The following TBC1D9 variants were observed in gnomAD, a reference collection of about 807,000 sequenced individuals.
TBC1D9 encodes the protein TBC1 domain family member 9A.
A neutral mutation model predicts 132.0 loss-of-function variants in TBC1D9; 63 were observed. The observed-to-expected ratio is 0.48, with a 90% CI of 0.39 to 0.59. The LOEUF (loss-of-function observed/expected upper bound fraction) is 0.59, where lower values mean the gene tolerates loss of function less well. Among genes scored for constraint, TBC1D9 ranks in the 20% least tolerant of loss-of-function variants. The pLI, the probability that TBC1D9 is intolerant of heterozygous loss-of-function variation, is 0.00. For missense variants in TBC1D9, 1,261 were observed against 1,592.7 expected, an observed-to-expected ratio of 0.79 and a Z score of 3.54; for synonymous variants, 610 against 609.9, an observed-to-expected ratio of 1.00 and a Z score of 0.00.
chr4:140,651,123 G>T (rs1737181735), intron 13 of TBC1D9, among the ~76,000 whole-genome samples: 2 of 152,130 alleles, frequency 1.3e-5, no homozygotes, highest in African/African-American at 4.8e-5. Context: ...TCCCAGCATT[G>T]TTGATAAAAG....
chr4:140,694,404 C>T (rs532682647), intron 2 of TBC1D9, among the ~76,000 whole-genome samples: 1 of 152,088 alleles, frequency 6.6e-6, no homozygotes, highest in Admixed American at 6.6e-5. Flanking sequence ...AACCTCATCT[C>T]TACTAAAAAT....
chr4:140,755,465 C>T (rs1413437972), intron 1 of TBC1D9, among the ~76,000 whole-genome samples: 1 of 152,148 alleles, frequency 6.6e-6, no homozygotes, highest in Non-Finnish European at 1.5e-5. Flanking sequence ...CAGTTCCTTA[C>T]TTATCGCTTC....
intron 1 of TBC1D9, among the ~76,000 whole-genome samples, chr4:140,750,026 A>C (rs1315720704): frequency 6.6e-6 from 1 of 152,144 alleles, no homozygotes; most frequent in East Asian, 1.9e-4. Flanking sequence ...TAGTACATTG[A>C]TAAAAATGGA....
rs1442359613 is a variant in TBC1D9, at chr4:140,624,155, A to G, written c.3039T>C (p.Ser1013=). 6.2e-7 allele frequency: 1 copy of G among 1,611,558 alleles called. No homozygotes were observed. Among genetic ancestry groups the G allele is most frequent in the Non-Finnish European group, 8.5e-7 (1 of 1,178,564 alleles). The change falls in exon 20 of 21, where the codon TCT becomes TCC. Residue 1013 remains serine (S), a synonymous_variant. Transcript: ENST00000442267. ...YLRLWTPENK[S]KSKNAKDLPK... ...GTAAATCCTTTGCATTCTTTGACTTAGATTTATTTTCTGGAGTCCACAGTC... is the reference window on the plus strand; with the variant it reads ...GTAAATCCTTTGCATTCTTTGACTTGGATTTATTTTCTGGAGTCCACAGTC...
chr4:140,660,995 A>C (rs1392030110), intron 10 of TBC1D9, among the ~76,000 whole-genome samples: 1 of 151,818 alleles, frequency 6.6e-6, no homozygotes, highest in Non-Finnish European at 1.5e-5. Flanking sequence ...GCTCATTGCA[A>C]GCTCCACCTC....
In TBC1D9 at chr4:140,712,252, T is replaced by C. The variant is rs1052701601; in HGVS notation, c.131-10638A>G. 137 of 148,666 alleles carry C rather than the reference T, an allele frequency of 9.2e-4. 1 individual carries two copies. Among genetic ancestry groups the C allele is most frequent in the African/African-American group, 3.2e-3 (131 of 40,512 alleles). 9.2% of individuals were successfully genotyped at this position (148,666 alleles called of 1,614,324 possible). On this transcript the variant is annotated intron_variant, in intron 1 of 20. Transcript: ENST00000442267. ...TTTTTTGAAGTTCATTTTTTCCCTC[T>C]GGTATACGGAGTTCATCAATGCTAC...
intron 20 of TBC1D9, 87 bp downstream of exon 20, chr4:140,624,029 T>C (rs969370107): frequency 4.7e-6 from 5 of 1,064,580 alleles, no homozygotes; most frequent in Middle Eastern, 2.9e-4. Flanking sequence ...TTGATGGGTA[T>C]TGAGTCTACA....
At chr4:140,753,164 T>C (rs2111088641) in intron 1 of TBC1D9, among the ~76,000 whole-genome samples, 1 of 152,276 alleles carries the variant, frequency 6.6e-6, no homozygotes, top group Middle Eastern at 3.4e-3. Flanking sequence ...CTTCTTATGA[T>C]ATTTGTTCTG....
chr4:140,627,837 A>T (rs1388490271), intron 17 of TBC1D9, among the ~76,000 whole-genome samples: 1 of 152,218 alleles, frequency 6.6e-6, no homozygotes, highest in Non-Finnish European at 1.5e-5. Context: ...CGCTATAAAG[A>T]GAATTCCCAA....
intron 13 of TBC1D9, chr4:140,642,978 C>G: frequency 2.9e-6 from 2 of 680,832 alleles, no homozygotes; most frequent in Non-Finnish European, 4.9e-6. Context: ...GACCTCGGCC[C>G]GCCACATTCT....
rs143979868 is a variant in TBC1D9 at position 140,632,606 on chromosome 4, T to A, written c.2746+1342A>T. On this transcript the variant is annotated intron_variant, in intron 16 of 20. Coordinates refer to ENST00000442267, the MANE Select transcript of TBC1D9 (RefSeq NM_015130.3). ...AGATATTTATTGGTTTGCTAAAAACTAATGTTCCAACAAGTTACTTTAACT... is the reference window on the plus strand; with the variant it reads ...AGATATTTATTGGTTTGCTAAAAACAAATGTTCCAACAAGTTACTTTAACT... Among the ~76,000 whole-genome samples the A allele has an allele frequency of 1.9e-3, 292 of 152,320 alleles. 2 individuals are homozygous for A. The highest frequency in any genetic ancestry group is 6.8e-3 in the African/African-American group (283 of 41,574).
intron 16 of TBC1D9, among the ~76,000 whole-genome samples, chr4:140,633,134 C>T (rs1032481230): frequency 6.6e-6 from 1 of 152,212 alleles, no homozygotes; most frequent in Non-Finnish European, 1.5e-5. Context: ...GAAATGCTGG[C>T]TCTATGCCTG....
chr4:140,730,926 GC>G (rs1215886895), intron 1 of TBC1D9, among the ~76,000 whole-genome samples: 1 of 152,122 alleles, frequency 6.6e-6, no homozygotes, highest in East Asian at 1.9e-4. Flanking sequence ...TTCTGAAGAT[GC>G]TTTGAGCTGG....
In TBC1D9 at chr4:140,634,129, G is replaced by T. The variant is rs771842940; in HGVS notation, c.2565C>A (p.Asp855Glu). The T allele has an allele frequency of 6.2e-7, 1 of 1,613,958 alleles. No homozygotes were observed. Among genetic ancestry groups the T allele is most frequent in the South Asian group, 1.1e-5 (1 of 91,084 alleles). The change falls in exon 16 of 21, where the codon GAC becomes GAA. Residue 855 changes from aspartate to glutamate, a missense_variant. By Grantham distance (45) the Asp-to-Glu change is conservative. Transcript: ENST00000442267. ...GGSSNALDRH[D>E]PSLPYLEQYR... ...ACTGTTCCAGGTAGGGCAGGCTGGG[G>T]TCATGCCGGTCCAGCGCGTTGCTGC...
rs1428270998 is a variant in TBC1D9 at position 140,621,260 on chromosome 4, C to A, written c.*935G>T. The A allele has an allele frequency of 6.6e-6, 1 of 152,554 alleles. No individual in the cohort carries two copies. Among genetic ancestry groups the A allele is most frequent in the Admixed American group, 6.5e-5 (1 of 15,272 alleles). The allele number at this position is 152,554 out of a possible 1,614,324, so 9.5% of individuals were successfully genotyped here. On this transcript the variant is annotated 3_prime_UTR_variant, in exon 21 of 21. Transcript: ENST00000442267. ...CATATGCGATATGTGGTATAAATTT[C>A]TTCAATCTATGGAGAATACGGAAAT...
At chr4:140,717,725 T>G (rs1738357573) in intron 1 of TBC1D9, among the ~76,000 whole-genome samples, 1 of 152,106 alleles carries the variant, frequency 6.6e-6, no homozygotes, top group Non-Finnish European at 1.5e-5. Flanking sequence ...AGGTGCAGCG[T>G]GAAGATTATG....
chr4:140,726,041 G>T (rs2111062698), intron 1 of TBC1D9, among the ~76,000 whole-genome samples: 1 of 152,170 alleles, frequency 6.6e-6, no homozygotes, highest in East Asian at 1.9e-4. Context: ...ACCAAGGCAG[G>T]TCTCCTGATC....
At chr4:140,638,598 GAGAGCA>G (rs1736916196) in intron 15 of TBC1D9, among the ~76,000 whole-genome samples, 1 of 151,826 alleles carries the variant, frequency 6.6e-6, no homozygotes. Context: ...GCAACAGAGT[GAGAGCA>G]AGACTCCGTC....
intron 16 of TBC1D9, among the ~76,000 whole-genome samples, chr4:140,628,891 C>T (rs781733358): frequency 2.0e-5 from 3 of 152,318 alleles, no homozygotes; most frequent in Non-Finnish European, 2.9e-5. Flanking sequence ...CTTAATTTAT[C>T]TGAACCTATT....
Sources: allele counts gnomAD v4.1 joint callset (sites outside exome capture counted in the v4.1 genomes callset), GRCh38; gene constraint gnomAD v4.1.1; transcripts MANE v1.5; gene names NCBI Gene and HGNC (gene_info 2026-07-23, HGNC 2026-07-21).